MYPN: variants seen among roughly 807,000 people sequenced by gnomAD.
MYPN encodes the protein myopalladin.
A neutral mutation model predicts 129.4 loss-of-function variants in MYPN; 63 were observed. That is an observed-to-expected ratio of 0.49 (90% confidence interval 0.40 to 0.60). MYPN has a LOEUF of 0.60. Among genes scored for constraint, MYPN ranks in the 20% least tolerant of loss-of-function variants. The probability of loss-of-function intolerance (pLI) is 0.00; values close to 1 mark genes in which losing one functional copy is unlikely to be tolerated. For missense variants in MYPN, 1,596 were observed against 1,635.4 expected (o/e 0.98, Z 0.42); for synonymous variants, 629 against 600.9 (o/e 1.05, Z -0.68).
chr10:68,182,794 C>T (rs2043358946), intron 12 of MYPN, among the ~76,000 whole-genome samples: 2 of 152,120 alleles, frequency 1.3e-5, no homozygotes, highest in African/African-American at 4.8e-5. Context: ...AGGCATGAGC[C>T]ACCACGCCCG....
At chr10:68,120,126 G>C (rs1407189553) in intron 1 of MYPN, among the ~76,000 whole-genome samples, 2 of 152,126 alleles carry the variant, frequency 1.3e-5, no homozygotes, top group Non-Finnish European at 2.9e-5. Context: ...TCTCTGATTG[G>C]TGATGGCTGA....
intron 8 of MYPN, among the ~76,000 whole-genome samples, chr10:68,162,950 T>C (rs1372714322): frequency 6.6e-6 from 1 of 151,890 alleles, no homozygotes; most frequent in Non-Finnish European, 1.5e-5. Context: ...TCTGTGGGGG[T>C]CTTCAAACTA....
At chr10:68,137,295 G>T (rs950956372) in intron 2 of MYPN, among the ~76,000 whole-genome samples, 2 of 152,174 alleles carry the variant, frequency 1.3e-5, no homozygotes, top group African/African-American at 4.8e-5. Context: ...TACGTTGTTT[G>T]GGTTGAAGTA....
chr10:68,183,904 C>A (rs944338696), intron 12 of MYPN, among the ~76,000 whole-genome samples: 3 of 152,126 alleles, frequency 2.0e-5, no homozygotes, highest in Non-Finnish European at 4.4e-5. Context: ...TACCTGTGGT[C>A]TCTGCTACTT....
At chr10:68,188,533 T>C (rs2134255748) in intron 12 of MYPN, among the ~76,000 whole-genome samples, 2 of 152,152 alleles carry the variant, frequency 1.3e-5, no homozygotes, top group East Asian at 3.9e-4. Flanking sequence ...GATGCAGGCA[T>C]GTATCAGAAT....
At chr10:68,201,229 C>T (rs564910576) in intron 17 of MYPN, among the ~76,000 whole-genome samples, 1 of 152,342 alleles carries the variant, frequency 6.6e-6, no homozygotes, top group African/African-American at 2.4e-5. Flanking sequence ...CTGGCATTTG[C>T]ATCCCATGCG....
At position 68,211,820 on chromosome 10, in the gene MYPN, T is replaced by C. The variant is rs2043921646; in HGVS notation, c.*1365T>C. ...ATGCTCATCACAGCACAGTTTGCTC[T>C]AGGCTGTGCAGGGAAATGAATTGCA... On this transcript the variant is annotated 3_prime_UTR_variant, in exon 20 of 20. Coordinates refer to ENST00000358913, the MANE Select transcript of MYPN (RefSeq NM_032578.4). 1 of 454,022 alleles carries C rather than the reference T, an allele frequency of 2.2e-6. No homozygotes were observed. The highest frequency in any genetic ancestry group is 2.0e-5 in the African/African-American group (1 of 50,024). The allele number at this position is 454,022 out of a possible 1,614,324, so 28.1% of individuals were successfully genotyped here. A position where few individuals can be genotyped will look rare whatever the true frequency, so the allele number is the denominator to read the frequency against.
Position 68,210,635 on chromosome 10 carries a change from G to T in MYPN, c.*180G>T, listed in dbSNP as rs1370859814. The T allele has an allele frequency of 1.4e-6, 1 of 728,286 alleles. No individual in the cohort carries two copies. Among genetic ancestry groups the T allele is most frequent in the Non-Finnish European group, 2.4e-6 (1 of 409,658 alleles). The allele number at this position is 728,286 out of a possible 1,614,324, so 45.1% of individuals were successfully genotyped here. The stretch of plus-strand genomic sequence containing the variant: ...TTGCAGTCTCAGCTGAGGGAGAAAG[G>T]TAGGGCTGTGCCTTCTAAAGATTCC... On this transcript the variant is annotated 3_prime_UTR_variant, in exon 20 of 20. Transcript: ENST00000358913.
chr10:68,189,208 A>G (rs2043471628), intron 13 of MYPN, 82 bp downstream of exon 13: 1 of 973,694 alleles, frequency 1.0e-6, no homozygotes, highest in Non-Finnish European at 1.6e-6. Flanking sequence ...TAAAAAATAT[A>G]CGCAATGTTT....
intron 14 of MYPN, among the ~76,000 whole-genome samples, chr10:68,194,926 G>T (rs185147878): frequency 1.3e-4 from 20 of 152,312 alleles, no homozygotes; most frequent in Admixed American, 1.2e-3. Flanking sequence ...AACTCATAGT[G>T]TCCACATTTT....
intron 1 of MYPN, among the ~76,000 whole-genome samples, chr10:68,120,916 C>A (rs969939535): frequency 1.3e-5 from 2 of 152,126 alleles, no homozygotes; most frequent in Admixed American, 1.3e-4. Context: ...TCTTTATTTT[C>A]AATTTCAGGG....
At chr10:68,188,390 G>A (rs1359433877) in intron 12 of MYPN, among the ~76,000 whole-genome samples, 3 of 148,168 alleles carry the variant, frequency 2.0e-5, no homozygotes, top group South Asian at 2.1e-4. Flanking sequence ...GATTACAGGC[G>A]TGAGCCACCA....
intron 1 of MYPN, among the ~76,000 whole-genome samples, chr10:68,112,597 A>G (rs1388273063): frequency 6.6e-6 from 1 of 152,178 alleles, no homozygotes; most frequent in Non-Finnish European, 1.5e-5. Context: ...CGGCCTCTTT[A>G]TCTCAACATT....
chr10:68,115,315 T>C (rs144447446), intron 1 of MYPN, among the ~76,000 whole-genome samples: 52 of 151,550 alleles, frequency 3.4e-4, no homozygotes, highest in African/African-American at 1.2e-3. Flanking sequence ...AGCTGAAATG[T>C]CTAAGAGAAC....
At chr10:68,186,075 G>A (rs914558404) in intron 12 of MYPN, among the ~76,000 whole-genome samples, 76 of 152,164 alleles carry the variant, frequency 5.0e-4, no homozygotes, top group African/African-American at 1.8e-3. Context: ...TATAATGTAG[G>A]AAATAATCTT....
chr10:68,162,427 T>C (rs1010109462), intron 8 of MYPN, among the ~76,000 whole-genome samples: 1 of 152,214 alleles, frequency 6.6e-6, no homozygotes. Flanking sequence ...TCAAAACTTA[T>C]GCATCATCAG....
intron 12 of MYPN, among the ~76,000 whole-genome samples, chr10:68,180,384 C>T (rs926738034): frequency 6.6e-6 from 1 of 152,140 alleles, no homozygotes; most frequent in Non-Finnish European, 1.5e-5. Flanking sequence ...TAGGGTTTCA[C>T]CATTTTGCCC....
chr10:68,096,858 A>G (rs573355735), intron 1 of MYPN, among the ~76,000 whole-genome samples: 1 of 152,358 alleles, frequency 6.6e-6, no homozygotes, highest in African/African-American at 2.4e-5. Context: ...TCTATGTTGA[A>G]TACCAAGCTT....
At chr10:68,193,462 TA>T (rs1464455225) in intron 13 of MYPN, among the ~76,000 whole-genome samples, 34 of 152,362 alleles carry the variant, frequency 2.2e-4, no homozygotes, top group African/African-American at 7.2e-4. Context: ...ATCTATTTAA[TA>T]TCCACAGGGT....
Sources: gnomAD v4.1 joint callset for allele counts (sites outside exome capture counted in the v4.1 genomes callset) on GRCh38, gnomAD v4.1.1 for gene constraint, MANE v1.5 for transcripts, NCBI Gene and HGNC (gene_info 2026-07-23, HGNC 2026-07-21) for gene names.